Variants in MAP2K5 observed in about 807,000 individuals in gnomAD.
MAP2K5 encodes the protein mitogen-activated protein kinase kinase 5, also known as dual specificity mitogen-activated protein kinase kinase 5.
In MAP2K5, 49 loss-of-function variants were observed where a neutral mutation model predicts 83.1. That is an observed-to-expected ratio of 0.59 (90% confidence interval 0.47 to 0.75). MAP2K5 has a LOEUF of 0.75. Ranked by LOEUF, MAP2K5 falls within the 30% of genes least tolerant of loss-of-function variation. The probability of loss-of-function intolerance (pLI) is 0.00; values close to 1 mark genes in which losing one functional copy is unlikely to be tolerated. For synonymous variants in MAP2K5, 202 were observed against 191.8 expected, an observed-to-expected ratio of 1.05 and a Z score of -0.44; for missense variants, 457 against 557.5, an observed-to-expected ratio of 0.82 and a Z score of 1.82.
At position 67,573,903 on chromosome 15, in the gene MAP2K5, C is replaced by G. The variant is rs752207097; in HGVS notation, c.253-6851C>G. Among the ~76,000 whole-genome samples the G allele has an allele frequency of 4.6e-5, 7 of 152,058 alleles. No individual in the cohort carries two copies. The highest frequency in any genetic ancestry group is 6.3e-3 in the Middle Eastern group (2 of 316). On this transcript the variant is annotated intron_variant, in intron 3 of 21. Transcript: ENST00000178640. The surrounding 1 kb of genome is among the most constrained non-coding windows in gnomAD (Gnocchi z 4.2). ...CGCATCTCCTCCATATGGTTTTTTG[C>G]TTTGTTATTTTACATATAAACAAAC...
rs1311690679 is a variant in MAP2K5, at chr15:67,559,149, T to G, written c.185-4134T>G. 6.6e-6 allele frequency among the ~76,000 whole-genome samples: 1 copy of G among 152,230 alleles called. No individual in the cohort carries two copies. ...GTCTTTCTAACTTCTATAATTATGT[T>G]TTCATTTCTTTTCTCTTACCTGGGA... On this transcript the variant is annotated intron_variant, in intron 2 of 21. Transcript: ENST00000178640. The surrounding 1 kb of genome is among the most constrained non-coding windows in gnomAD (Gnocchi z 4.7).
At chr15:67,602,784 G>T (rs114402736) in intron 8 of MAP2K5, among the ~76,000 whole-genome samples, 18,369 of 152,238 alleles carry the variant, frequency 0.12, 1,227 homozygotes, top group East Asian at 0.2. Context: ...CTCCCAAGCA[G>T]TTGGGATTAC....
At chr15:67,613,791 G>T (rs903113843) in intron 8 of MAP2K5, among the ~76,000 whole-genome samples, 1 of 151,718 alleles carries the variant, frequency 6.6e-6, no homozygotes, top group Non-Finnish European at 1.5e-5. Flanking sequence ...AATGGAAACG[G>T]GTTAATATTT....
chr15:67,791,383 AGACT>A (rs1440835000), intron 21 of MAP2K5, among the ~76,000 whole-genome samples: 1 of 152,174 alleles, frequency 6.6e-6, no homozygotes, highest in Non-Finnish European at 1.5e-5. Flanking sequence ...GTGTGGGGAA[AGACT>A]GACCTGTGAA....
chr15:67,791,013 T>G (rs777918172), intron 21 of MAP2K5, among the ~76,000 whole-genome samples: 4 of 152,134 alleles, frequency 2.6e-5, no homozygotes, highest in Non-Finnish European at 5.9e-5. Flanking sequence ...CACAGGTAAA[T>G]TATTACCTGT....
chr15:67,798,987 G>A (rs1054489754), intron 21 of MAP2K5, among the ~76,000 whole-genome samples: 8 of 152,170 alleles, frequency 5.3e-5, no homozygotes, highest in Admixed American at 1.3e-4. Context: ...TGACCAACAC[G>A]GTGAAACCCC....
intron 3 of MAP2K5, among the ~76,000 whole-genome samples, chr15:67,579,176 C>T (rs774537065): frequency 1.4e-4 from 21 of 152,006 alleles, no homozygotes; most frequent in Non-Finnish European, 2.4e-4. Flanking sequence ...GATCAATAAC[C>T]GGCAAATTTC....
Position 67,801,655 on chromosome 15 carries a change from CT to C in MAP2K5, c.1243-4988del, listed in dbSNP as rs2141347180. The stretch of plus-strand genomic sequence containing the variant: ...TCAAGCTTCCTAGAGCTTTAGTTTC[CT>C]TTATAAAATGGGGGTGCCGGGAGGG... On this transcript the variant is annotated intron_variant, in intron 21 of 21. Transcript: ENST00000178640. This position sits in a 1 kb window ranked among gnomAD's most constrained non-coding sequence, Gnocchi z 4.8. Among the ~76,000 whole-genome samples, 1 of 152,266 alleles carries C rather than the reference CT, an allele frequency of 6.6e-6. No individual in the cohort carries two copies. Among genetic ancestry groups the C allele is most frequent in the African/African-American group, 2.4e-5 (1 of 41,556 alleles).
At chr15:67,612,647 T>C (rs1567309221) in intron 8 of MAP2K5, among the ~76,000 whole-genome samples, 1 of 152,244 alleles carries the variant, frequency 6.6e-6, no homozygotes, top group Non-Finnish European at 1.5e-5. Flanking sequence ...CTAGTCATGA[T>C]ATGCCCATTT....
intron 13 of MAP2K5, among the ~76,000 whole-genome samples, chr15:67,666,744 C>T (rs775341707): frequency 1.3e-4 from 20 of 152,108 alleles, no homozygotes; most frequent in Non-Finnish European, 2.9e-4. Flanking sequence ...CAGAGAGTAG[C>T]CTGCTATAAA....
intron 11 of MAP2K5, among the ~76,000 whole-genome samples, chr15:67,654,024 T>C (rs930375521): frequency 6.6e-6 from 1 of 152,234 alleles, no homozygotes; most frequent in Non-Finnish European, 1.5e-5. Context: ...TTAAGTGAAG[T>C]ATCCTTTACA....
In MAP2K5 at chr15:67,565,912, G is replaced by T. The variant is rs926603971; in HGVS notation, c.252+2562G>T. ...GGCGTGAGCCAAGGTGCCTGGCCAGGTTGGCTGTCATTTTGATCTGTCTTG... is the reference window on the plus strand; with the variant it reads ...GGCGTGAGCCAAGGTGCCTGGCCAGTTTGGCTGTCATTTTGATCTGTCTTG... On this transcript the variant is annotated intron_variant, in intron 3 of 21. Coordinates refer to ENST00000178640, the MANE Select transcript of MAP2K5 (RefSeq NM_145160.3). The surrounding 1 kb of genome is among the most constrained non-coding windows in gnomAD (Gnocchi z 4.1). Among the ~76,000 whole-genome samples, 1 of 152,098 alleles carries T rather than the reference G, an allele frequency of 6.6e-6. No homozygotes were observed. Among genetic ancestry groups the T allele is most frequent in the Non-Finnish European group, 1.5e-5 (1 of 68,020 alleles).
At position 67,563,534 on chromosome 15, in the gene MAP2K5, C is replaced by G. The variant is rs956253996; in HGVS notation, c.252+184C>G. On this transcript the variant is annotated intron_variant, in intron 3 of 21. Coordinates refer to ENST00000178640, the MANE Select transcript of MAP2K5 (RefSeq NM_145160.3). The surrounding 1 kb of genome is among the most constrained non-coding windows in gnomAD (Gnocchi z 4.5). The stretch of plus-strand genomic sequence containing the variant: ...GGGCATTATTTTCAAAAGACACTTA[C>G]TGATCATATCATAAACATTAAGAAT... Among the ~76,000 whole-genome samples the G allele has an allele frequency of 3.4e-4, 52 of 152,294 alleles. No individual in the cohort carries two copies. The highest frequency in any genetic ancestry group is 1.2e-3 in the African/African-American group (48 of 41,558).
intron 21 of MAP2K5, among the ~76,000 whole-genome samples, chr15:67,806,441 C>T (rs1042895782): frequency 1.3e-5 from 2 of 152,194 alleles, no homozygotes; most frequent in Admixed American, 6.5e-5. Context: ...GCACTCCACA[C>T]GCTTGGTGCT....
chr15:67,634,906 A>G (rs1427926427), intron 9 of MAP2K5, among the ~76,000 whole-genome samples: 2 of 152,162 alleles, frequency 1.3e-5, no homozygotes, highest in Non-Finnish European at 2.9e-5. Context: ...TTTACATTTC[A>G]TATGATTATT....
chr15:67,600,040 T>C (rs1210851295), intron 7 of MAP2K5, among the ~76,000 whole-genome samples: 1 of 152,194 alleles, frequency 6.6e-6, no homozygotes, highest in African/African-American at 2.4e-5. Flanking sequence ...ATTACATGCC[T>C]ATGTATTTTT....
chr15:67,666,874 G>A (rs946882195), intron 13 of MAP2K5, among the ~76,000 whole-genome samples: 10 of 152,262 alleles, frequency 6.6e-5, no homozygotes, highest in African/African-American at 1.7e-4. Context: ...CTGTCTCAAT[G>A]GAAAGACTAA....
intron 5 of MAP2K5, 23 bp from the exon 6 acceptor site, chr15:67,586,823 C>G (rs199759231): frequency 1.9e-6 from 3 of 1,609,488 alleles, no homozygotes; most frequent in Admixed American, 3.3e-5. Context: ...CAAGACTGAT[C>G]AAGATTCTTT....
In MAP2K5 at chr15:67,567,703, G is replaced by GA. The variant is rs201179837; in HGVS notation, c.252+4361dup. ...AATTAGAATTTGAAATGCTTTATTA[G>GA]AAAAAAAATACACACAACCTACATA... On this transcript the variant is annotated intron_variant, in intron 3 of 21. Transcript: ENST00000178640. 1.4e-3 allele frequency among the ~76,000 whole-genome samples: 206 copies of GA among 151,868 alleles called. 2 individuals are homozygous for GA. Among genetic ancestry groups the GA allele is most frequent in the African/African-American group, 4.8e-3 (198 of 41,412 alleles).
Sources: allele counts gnomAD v4.1 joint callset (sites outside exome capture counted in the v4.1 genomes callset), GRCh38; gene constraint gnomAD v4.1.1; non-coding constraint Gnocchi (gnomAD v3.1); transcripts MANE v1.5; gene names NCBI Gene and HGNC (gene_info 2026-07-23, HGNC 2026-07-21).